Variants in STAU2 observed in about 807,000 individuals in gnomAD.
STAU2 encodes the protein double-stranded RNA-binding protein Staufen homolog 2.
In STAU2, 20 loss-of-function variants were observed where a neutral mutation model predicts 65.9. The observed-to-expected ratio is 0.30, with a 90% CI of 0.21 to 0.44. The LOEUF (loss-of-function observed/expected upper bound fraction) is 0.44, where lower values mean the gene tolerates loss of function less well. STAU2 is among the 20% of genes least tolerant of loss of function. STAU2 has a pLI of 1.00. For missense variants in STAU2, 558 were observed against 683.9 expected, an observed-to-expected ratio of 0.82 and a Z score of 2.05; for synonymous variants, 232 against 233.9, an observed-to-expected ratio of 0.99 and a Z score of 0.07.
chr8:73,462,160 A>T (rs1432777054), intron 13 of STAU2, among the ~76,000 whole-genome samples: 1 of 151,836 alleles, frequency 6.6e-6, no homozygotes, highest in East Asian at 1.9e-4. Flanking sequence ...GATCATTGCA[A>T]CCTCCACCTC....
chr8:73,573,289 G>A (rs1264692256), intron 12 of STAU2, among the ~76,000 whole-genome samples: 1 of 152,222 alleles, frequency 6.6e-6, no homozygotes, highest in Non-Finnish European at 1.5e-5. Flanking sequence ...CATGCTCATG[G>A]ATAGGAAGAA....
At chr8:73,456,657 G>C (rs558891566) in intron 13 of STAU2, among the ~76,000 whole-genome samples, 38 of 152,260 alleles carry the variant, frequency 2.5e-4, no homozygotes, top group African/African-American at 8.7e-4. Context: ...ATTGCATTCC[G>C]TCTTACCAGA....
intron 13 of STAU2, chr8:73,511,444 C>T (rs1822396510): frequency 6.6e-6 from 1 of 152,668 alleles, no homozygotes; most frequent in African/African-American, 2.4e-5. Flanking sequence ...TGCTAAATTA[C>T]TGTTAGTGCT....
chr8:73,599,015 G>T (rs533856890), intron 10 of STAU2, among the ~76,000 whole-genome samples: 1 of 152,142 alleles, frequency 6.6e-6, no homozygotes, highest in Non-Finnish European at 1.5e-5. Context: ...CATGTTCATG[G>T]ATTGAAGACA....
chr8:73,648,148 T>C (rs1275227883), intron 6 of STAU2, among the ~76,000 whole-genome samples: 8 of 152,202 alleles, frequency 5.3e-5, no homozygotes, highest in Admixed American at 5.2e-4. Context: ...CAATAGTAAT[T>C]AGCAGTATCT....
At chr8:73,544,591 T>G (rs911895007) in intron 13 of STAU2, among the ~76,000 whole-genome samples, 3 of 152,232 alleles carry the variant, frequency 2.0e-5, no homozygotes, top group South Asian at 2.1e-4. Context: ...TTATCCACCT[T>G]AAAATCTGAA....
intron 3 of STAU2, among the ~76,000 whole-genome samples, chr8:73,722,868 AC>A (rs1439839359): frequency 3.3e-5 from 5 of 152,234 alleles, no homozygotes; most frequent in African/African-American, 1.2e-4. Flanking sequence ...ATTTCTAGTT[AC>A]AAAAACATCA....
At chr8:73,582,561 A>C (rs1206676705) in intron 12 of STAU2, among the ~76,000 whole-genome samples, 1 of 152,112 alleles carries the variant, frequency 6.6e-6, no homozygotes, top group Non-Finnish European at 1.5e-5. Context: ...GTCTGTCTGC[A>C]ATGGCTTAAC....
At chr8:73,504,204 A>G (rs1821922553) in intron 13 of STAU2, among the ~76,000 whole-genome samples, 1 of 152,106 alleles carries the variant, frequency 6.6e-6, no homozygotes, top group Admixed American at 6.6e-5. Flanking sequence ...ACCTACAGCG[A>G]TATTAGCTTA....
chr8:73,469,301 G>A (rs958238379), intron 13 of STAU2, among the ~76,000 whole-genome samples: 1 of 152,040 alleles, frequency 6.6e-6, no homozygotes, highest in Non-Finnish European at 1.5e-5. Context: ...ACCAGGGCCT[G>A]TTGTGGGGTT....
intron 6 of STAU2, among the ~76,000 whole-genome samples, chr8:73,650,481 TTCCTTAGC>T (rs1815777761): frequency 6.6e-6 from 1 of 152,284 alleles, no homozygotes; most frequent in East Asian, 1.9e-4. Flanking sequence ...TTTTTAAAAA[TTCCTTAGC>T]AAAGGTCAGA....
chr8:73,638,388 G>A (rs1814706745), intron 6 of STAU2, among the ~76,000 whole-genome samples: 1 of 136,992 alleles, frequency 7.3e-6, no homozygotes, highest in South Asian at 2.5e-4. Context: ...TCCCAACAGT[G>A]ACTGTGTATT....
intron 10 of STAU2, among the ~76,000 whole-genome samples, chr8:73,599,288 A>AAT (rs1316327168): frequency 4.5e-4 from 69 of 152,314 alleles, no homozygotes; most frequent in African/African-American, 1.7e-3. Context: ...TACACTAAAA[A>AAT]TTACTCTTGT....
At chr8:73,685,870 C>A (rs1162136720) in intron 5 of STAU2, among the ~76,000 whole-genome samples, 1 of 152,180 alleles carries the variant, frequency 6.6e-6, no homozygotes, top group Non-Finnish European at 1.5e-5. Flanking sequence ...TATAGCAGCA[C>A]AATTCACAAT....
Position 73,452,084 on chromosome 8 carries a change from T to C in STAU2, c.1531-29382A>G, listed in dbSNP as rs74979589. On this transcript the variant is annotated intron_variant, in intron 13 of 14. Coordinates refer to ENST00000524300, the MANE Select transcript of STAU2 (RefSeq NM_001164380.2). ...AGCCAGGACCAGGGCAGACACGGTCTCTCAGACAGGTGCCGCCCTAGACAG... is the reference window on the plus strand; with the variant it reads ...AGCCAGGACCAGGGCAGACACGGTCCCTCAGACAGGTGCCGCCCTAGACAG... Among the ~76,000 whole-genome samples, 1,320 of 152,322 alleles carry C rather than the reference T, an allele frequency of 8.7e-3. 38 individuals carry two copies. The highest frequency in any genetic ancestry group is 0.079 in the East Asian group (407 of 5,174).
chr8:73,741,283 C>T (rs1440612169), intron 1 of STAU2, among the ~76,000 whole-genome samples: 3 of 131,734 alleles, frequency 2.3e-5, no homozygotes, highest in African/African-American at 6.3e-5. Flanking sequence ...CCAGCCTGGG[C>T]GACAGAGCAA....
intron 6 of STAU2, among the ~76,000 whole-genome samples, chr8:73,664,637 T>A (rs1817098124): frequency 6.6e-6 from 1 of 152,254 alleles, no homozygotes; most frequent in East Asian, 1.9e-4. Context: ...TAGAATAAAC[T>A]TCATTTAATC....
chr8:73,426,525 AC>A (rs1354357340), intron 13 of STAU2, among the ~76,000 whole-genome samples: 1 of 152,090 alleles, frequency 6.6e-6, no homozygotes, highest in Non-Finnish European at 1.5e-5. Context: ...TGTAAGATCA[AC>A]CTTTTTAGCT....
chr8:73,626,090 C>CAT (rs1191227245), intron 6 of STAU2, among the ~76,000 whole-genome samples: 3 of 151,970 alleles, frequency 2.0e-5, no homozygotes, highest in Non-Finnish European at 2.9e-5. Flanking sequence ...CACACACACA[C>CAT]ACACACACAC....
Sources: allele counts gnomAD v4.1 joint callset (sites outside exome capture counted in the v4.1 genomes callset), GRCh38; gene constraint gnomAD v4.1.1; transcripts MANE v1.5; gene names NCBI Gene and HGNC (gene_info 2026-07-23, HGNC 2026-07-21).